SPAG16: variants seen among roughly 807,000 people sequenced by gnomAD.
The protein encoded by SPAG16 is sperm associated antigen 16.
Under a neutral mutation model 80.4 loss-of-function variants are expected in SPAG16, and 86 were observed. The observed-to-expected ratio is 1.07, with a 90% CI of 0.90 to 1.28. The LOEUF is 1.28. Among genes scored for constraint, SPAG16 ranks in the 50% most tolerant of loss-of-function variants. The probability of loss-of-function intolerance (pLI) is 0.00; values close to 1 mark genes in which losing one functional copy is unlikely to be tolerated. For synonymous variants in SPAG16, 294 were observed against 265.9 expected, an observed-to-expected ratio of 1.11 and a Z score of -1.03; for missense variants, 870 against 765.3, an observed-to-expected ratio of 1.14 and a Z score of -1.61.
intron 11 of SPAG16, among the ~76,000 whole-genome samples, chr2:213,901,736 A>G (rs2077229155): frequency 6.6e-6 from 1 of 152,190 alleles, no homozygotes; most frequent in Non-Finnish European, 1.5e-5. Context: ...CACAGCATCT[A>G]TTGGAAGATA....
intron 10 of SPAG16, among the ~76,000 whole-genome samples, chr2:213,684,782 G>C (rs1366721759): frequency 1.3e-5 from 2 of 152,184 alleles, no homozygotes; most frequent in African/African-American, 2.4e-5. Flanking sequence ...GTAATGTATT[G>C]TGTTCCCTGA....
intron 12 of SPAG16, among the ~76,000 whole-genome samples, chr2:213,938,581 C>T (rs535216483): frequency 4.6e-5 from 7 of 151,824 alleles, no homozygotes; most frequent in African/African-American, 9.7e-5. Flanking sequence ...TGTTTTAAAA[C>T]CATTTATTTC....
intron 15 of SPAG16, among the ~76,000 whole-genome samples, chr2:214,232,589 G>T (rs1171235522): frequency 2.0e-5 from 2 of 100,350 alleles, no homozygotes; most frequent in African/African-American, 8.7e-5. Context: ...GAAGGAGTCG[G>T]GGGGGGCTCA....
intron 9 of SPAG16, among the ~76,000 whole-genome samples, chr2:213,426,874 CACACACACAG>C (rs2069963896): frequency 8.1e-6 from 1 of 122,776 alleles, no homozygotes; most frequent in African/African-American, 2.8e-5. Flanking sequence ...CACACACACA[CACACACACAG>C]GGCTACACTC....
intron 15 of SPAG16, among the ~76,000 whole-genome samples, chr2:214,406,817 T>A (rs1440596774): frequency 1.3e-5 from 2 of 152,128 alleles, no homozygotes; most frequent in Non-Finnish European, 2.9e-5. Flanking sequence ...TGAGTCCTAT[T>A]GGTCAACAGA....
chr2:213,915,878 C>A (rs535901206), intron 11 of SPAG16, among the ~76,000 whole-genome samples: 2 of 152,040 alleles, frequency 1.3e-5, no homozygotes, highest in African/African-American at 4.8e-5. Flanking sequence ...CCAGTGATGA[C>A]GAGCTTTTTT....
At chr2:213,577,492 A>G (rs191788021) in intron 10 of SPAG16, among the ~76,000 whole-genome samples, 17 of 152,194 alleles carry the variant, frequency 1.1e-4, no homozygotes, top group African/African-American at 2.4e-4. Context: ...CCGTTTCCTG[A>G]TAAGCCCATC....
intron 15 of SPAG16, among the ~76,000 whole-genome samples, chr2:214,213,303 G>A (rs1336106578): frequency 6.6e-6 from 1 of 152,016 alleles, no homozygotes; most frequent in African/African-American, 2.4e-5. Flanking sequence ...TTATTCAAAT[G>A]TTCATACAAA....
chr2:214,350,061 C>A (rs1698297914), intron 15 of SPAG16, among the ~76,000 whole-genome samples: 1 of 152,138 alleles, frequency 6.6e-6, no homozygotes, highest in Non-Finnish European at 1.5e-5. Flanking sequence ...AACTGCTATT[C>A]TTCTGTATGT....
intron 4 of SPAG16, among the ~76,000 whole-genome samples, chr2:213,314,919 TTGATTCAATTATC>T (rs1367925179): frequency 6.6e-6 from 1 of 151,936 alleles, no homozygotes; most frequent in Non-Finnish European, 1.5e-5. Context: ...TAATGGAATA[TTGATTCAATTATC>T]TTAATCTTCA....
intron 5 of SPAG16, among the ~76,000 whole-genome samples, chr2:213,322,326 A>G (rs1056799949): frequency 1.9e-5 from 2 of 106,960 alleles, no homozygotes; most frequent in African/African-American, 7.2e-5. Context: ...TCCATAGTGT[A>G]GACAATGCAA....
chr2:214,112,744 C>T (rs1002165755), intron 14 of SPAG16, among the ~76,000 whole-genome samples: 4 of 148,406 alleles, frequency 2.7e-5, no homozygotes, highest in African/African-American at 9.9e-5. Context: ...CTCCTGAATA[C>T]AGCACACTGA....
intron 11 of SPAG16, among the ~76,000 whole-genome samples, chr2:213,919,529 C>A (rs1288870024): frequency 6.6e-6 from 1 of 152,162 alleles, no homozygotes; most frequent in Non-Finnish European, 1.5e-5. Context: ...TTCTTGATTT[C>A]TGCTTTAATT....
intron 7 of SPAG16, among the ~76,000 whole-genome samples, chr2:213,354,501 C>T (rs2065517836): frequency 6.6e-6 from 1 of 152,186 alleles, no homozygotes; most frequent in Non-Finnish European, 1.5e-5. Context: ...ACACTCCCAC[C>T]AACAGTGTAA....
At chr2:213,995,769 G>A (rs1301796573) in intron 12 of SPAG16, among the ~76,000 whole-genome samples, 2 of 152,132 alleles carry the variant, frequency 1.3e-5, no homozygotes, top group African/African-American at 4.8e-5. Flanking sequence ...GTTATACATG[G>A]ACCATCTTTG....
chr2:213,801,492 C>T (rs1160700153), intron 10 of SPAG16, among the ~76,000 whole-genome samples: 3 of 152,218 alleles, frequency 2.0e-5, no homozygotes, highest in African/African-American at 7.2e-5. Flanking sequence ...TTTTGCAAAT[C>T]ATAAGGCACA....
chr2:213,388,701 A>G (rs2067579803), intron 9 of SPAG16, among the ~76,000 whole-genome samples: 1 of 152,218 alleles, frequency 6.6e-6, no homozygotes, highest in African/African-American at 2.4e-5. Flanking sequence ...ACAATAAACA[A>G]TCAGAACAGG....
intron 10 of SPAG16, among the ~76,000 whole-genome samples, chr2:213,727,745 G>A (rs1032813685): frequency 3.9e-5 from 6 of 152,202 alleles, no homozygotes; most frequent in African/African-American, 1.4e-4. Context: ...CTAGGCAATG[G>A]AATGACATGA....
At chr2:214,229,856 A>G (rs1050706250) in intron 15 of SPAG16, among the ~76,000 whole-genome samples, 1 of 151,932 alleles carries the variant, frequency 6.6e-6, no homozygotes, top group African/African-American at 2.4e-5. Flanking sequence ...TTTGTATAGC[A>G]TTATGAAATT....
Sources: gnomAD v4.1 joint callset for allele counts (sites outside exome capture counted in the v4.1 genomes callset) on GRCh38, gnomAD v4.1.1 for gene constraint, MANE v1.5 for transcripts, NCBI Gene and HGNC (gene_info 2026-07-23, HGNC 2026-07-21) for gene names.